GAS7: variants seen among roughly 807,000 people sequenced by gnomAD.
GAS7 encodes the protein growth arrest specific 7.
GAS7 carries 28 observed loss-of-function variants against 71.1 expected under a neutral mutation model. That is an observed-to-expected ratio of 0.39 (90% CI 0.29 to 0.54). The LOEUF is 0.54. Among genes scored for constraint, GAS7 ranks in the 20% least tolerant of loss-of-function variants. The pLI is 0.62. For synonymous variants in GAS7, 258 were observed against 245.8 expected, an observed-to-expected ratio of 1.05 and a Z score of -0.46; for missense variants, 436 against 627.8, an observed-to-expected ratio of 0.69 and a Z score of 3.27.
chr17:10,051,317 A>T (rs1449305135), intron 1 of GAS7, among the ~76,000 whole-genome samples: 1 of 152,194 alleles, frequency 6.6e-6, no homozygotes, highest in Non-Finnish European at 1.5e-5. Flanking sequence ...CTTTCCCAAC[A>T]GCACGGCTAA....
intron 1 of GAS7, among the ~76,000 whole-genome samples, chr17:10,141,457 C>T (rs1439947695): frequency 2.0e-5 from 3 of 151,838 alleles, no homozygotes; most frequent in African/African-American, 7.3e-5. Flanking sequence ...AAAAAAAAGG[C>T]CACTGCTTGA....
chr17:10,180,533 T>A (rs2074406889), intron 1 of GAS7, among the ~76,000 whole-genome samples: 1 of 151,860 alleles, frequency 6.6e-6, no homozygotes. Flanking sequence ...ATCAAATCAA[T>A]CCCAAGGGAG....
rs374455528 is a variant in GAS7 at position 9,969,818 on chromosome 17, G to A, written c.386-56C>T. 188 of 1,174,790 alleles carry A rather than the reference G, an allele frequency of 1.6e-4. No homozygotes were observed. In the African/African-American group the frequency reaches 1.7e-3, roughly 11 times the overall value. The allele number at this position is 1,174,790 out of a possible 1,614,324, so 72.8% of individuals were successfully genotyped here. A position where few individuals can be genotyped will look rare whatever the true frequency, so the allele number is the denominator to read the frequency against. ...GTGTGGGCCACAGATGGGCACCCCC[G>A]CCTTTCGTCCACTGCAGCCCCTTTT... On this transcript the variant is annotated intron_variant, in intron 3 of 13. Coordinates refer to ENST00000432992, the MANE Select transcript of GAS7 (RefSeq NM_201433.2). The surrounding 1 kb of genome is among the most constrained non-coding windows in gnomAD (Gnocchi z 5.5).
rs144003690 is a variant in GAS7 at position 9,928,794 on chromosome 17, G to A, written c.886-2025C>T. On this transcript the variant is annotated intron_variant, in intron 9 of 13. Transcript: ENST00000432992. ...GGCCCCATCTGGGTTGAGCACTGCTGTGCCCAGTGTCTGACCTGGGCTGGG... is the reference window on the plus strand; with the variant it reads ...GGCCCCATCTGGGTTGAGCACTGCTATGCCCAGTGTCTGACCTGGGCTGGG... 4.0e-3 allele frequency among the ~76,000 whole-genome samples: 603 copies of A among 152,350 alleles called. 4 individuals carry two copies. Among genetic ancestry groups the A allele is most frequent in the African/African-American group, 0.014 (576 of 41,578 alleles).
In GAS7 at chr17:10,025,555, C is replaced by T. The variant is rs187488753; in HGVS notation, c.184-5658G>A. On this transcript the variant is annotated intron_variant, in intron 1 of 13. Transcript: ENST00000432992. ...AACAACGCAACCCCCAAAATTTTCCCCTTAATGGTGGCTACTGATTCCTCC... is the reference window on the plus strand; with the variant it reads ...AACAACGCAACCCCCAAAATTTTCCTCTTAATGGTGGCTACTGATTCCTCC... 4.0e-4 allele frequency among the ~76,000 whole-genome samples: 61 copies of T among 152,088 alleles called. 1 individual carries two copies. Among genetic ancestry groups the T allele is most frequent in the African/African-American group, 1.4e-3 (59 of 41,480 alleles).
rs2067411997 is a variant in GAS7, at chr17:9,910,703, T to A, written c.*6525A>T. 4.7e-6 allele frequency: 1 copy of A among 211,414 alleles called. No individual in the cohort carries two copies. Among genetic ancestry groups the A allele is most frequent in the Middle Eastern group, 1.5e-3 (1 of 652 alleles). The allele number at this position is 211,414 out of a possible 1,614,324, so 13.1% of individuals were successfully genotyped here. On this transcript the variant is annotated 3_prime_UTR_variant, in exon 14 of 14. Coordinates refer to ENST00000432992, the MANE Select transcript of GAS7 (RefSeq NM_201433.2). ...CTTTAAACATTTAATTCTTCAGCAT[T>A]AATACACACAAATGCGGTAACAGGG...
chr17:10,019,818 G>C lies in GAS7; in HGVS notation c.263C>G (p.Ser88Trp). ...ILPPGWQSYL[S>W]PQGRRYYVNT... Reference sequence around the variant, plus strand: ...GACATAGTACCGCCGGCCCTGAGGCGACAGGTAGCTCTGCCAGCCAGGTGG... The same window carrying C: ...GACATAGTACCGCCGGCCCTGAGGCCACAGGTAGCTCTGCCAGCCAGGTGG... Residue 88 changes from serine to tryptophan, a missense_variant, in exon 2 of 14, where the codon TCG (serine) becomes TGG (tryptophan). Ser to Trp is a radical substitution (Grantham distance 177, BLOSUM62 -3). Transcript: ENST00000432992. 6.2e-7 allele frequency: 1 copy of C among 1,614,026 alleles called. No homozygotes were observed.
At chr17:10,021,741 T>C (rs1169892372) in intron 1 of GAS7, among the ~76,000 whole-genome samples, 3 of 152,214 alleles carry the variant, frequency 2.0e-5, no homozygotes, top group African/African-American at 7.2e-5. Context: ...TGGGCAGGTT[T>C]ACCTGGGCCC....
At chr17:10,079,867 C>T (rs1488173604) in intron 1 of GAS7, among the ~76,000 whole-genome samples, 1 of 152,112 alleles carries the variant, frequency 6.6e-6, no homozygotes, top group Non-Finnish European at 1.5e-5. Context: ...AAAAATACAC[C>T]ACGCACAATG....
chr17:10,036,402 T>C (rs762710817), intron 1 of GAS7: 4 of 1,533,872 alleles, frequency 2.6e-6, no homozygotes, highest in Non-Finnish European at 2.7e-6. Context: ...AACTGGAGCA[T>C]ACATCTGCAG....
intron 1 of GAS7, among the ~76,000 whole-genome samples, chr17:10,160,316 G>A (rs1273120574): frequency 6.6e-6 from 1 of 152,056 alleles, no homozygotes; most frequent in Non-Finnish European, 1.5e-5. Flanking sequence ...AGATCTAGGG[G>A]GTATTTTTAA....
chr17:9,943,334 A>AAG (rs2068675133), intron 6 of GAS7, 98 bp from the exon 7 acceptor site: 3 of 750,830 alleles, frequency 4.0e-6, no homozygotes, highest in Non-Finnish European at 7.2e-6. Flanking sequence ...TGTGCCTGGC[A>AAG]ATCCCAGTCC....
chr17:10,029,939 C>T (rs1210736656), intron 1 of GAS7, among the ~76,000 whole-genome samples: 3 of 151,892 alleles, frequency 2.0e-5, no homozygotes, highest in Admixed American at 6.6e-5. Context: ...ATGAGAACAC[C>T]GAGGGAGATG....
At chr17:9,942,250 T>C (rs191946208) in intron 7 of GAS7, among the ~76,000 whole-genome samples, 3 of 151,540 alleles carry the variant, frequency 2.0e-5, no homozygotes, top group Admixed American at 1.3e-4. Context: ...CGAGACTCTG[T>C]CTAAAAGAAA....
rs541520928 is a variant in GAS7 at position 10,138,502 on chromosome 17, C to T, written c.183+59706G>A. ...ACTAGAGGCTGGACGCAGTGGCTCA[C>T]GCCTGTATTACCAGCACTTTGGGAA... On this transcript the variant is annotated intron_variant, in intron 1 of 13. Coordinates refer to ENST00000432992, the MANE Select transcript of GAS7 (RefSeq NM_201433.2). Among the ~76,000 whole-genome samples, 222 of 152,242 alleles carry T rather than the reference C, an allele frequency of 1.5e-3. 1 individual carries two copies. Among genetic ancestry groups the T allele is most frequent in the Non-Finnish European group, 1.0e-3 (71 of 68,022 alleles).
At chr17:10,147,738 A>G (rs555509973) in intron 1 of GAS7, among the ~76,000 whole-genome samples, 1 of 152,214 alleles carries the variant, frequency 6.6e-6, no homozygotes, top group Non-Finnish European at 1.5e-5. Context: ...AAAGATCCAA[A>G]TATGATGTTT....
chr17:9,950,673 T>C (rs1480432743), intron 5 of GAS7, among the ~76,000 whole-genome samples: 2 of 151,974 alleles, frequency 1.3e-5, no homozygotes, highest in African/African-American at 2.4e-5. Flanking sequence ...CTGGCCAACA[T>C]AGTGAAACCC....
At chr17:10,017,168 A>G (rs2072066288) in intron 2 of GAS7, among the ~76,000 whole-genome samples, 1 of 151,004 alleles carries the variant, frequency 6.6e-6, no homozygotes, top group Non-Finnish European at 1.5e-5. Context: ...AAATAAATAA[A>G]TAAATAAATA....
intron 5 of GAS7, among the ~76,000 whole-genome samples, chr17:9,953,168 C>A (rs2069090493): frequency 6.6e-6 from 1 of 151,648 alleles, no homozygotes. Context: ...GCAGCTGTAA[C>A]AAAGAATAAG....
Sources: gnomAD v4.1 joint callset for allele counts (sites outside exome capture counted in the v4.1 genomes callset) on GRCh38, gnomAD v4.1.1 for gene constraint, Gnocchi (gnomAD v3.1) non-coding constraint, MANE v1.5 for transcripts, NCBI Gene and HGNC (gene_info 2026-07-23, HGNC 2026-07-21) for gene names.